The following TDRD9 variants were observed in gnomAD, a reference collection of about 807,000 sequenced individuals.
TDRD9 encodes the protein ATP-dependent RNA helicase TDRD9.
In TDRD9, 124 loss-of-function variants were observed where a neutral mutation model predicts 172.6. The ratio of observed to expected loss-of-function variants is 0.72; its 90% confidence interval spans 0.62 to 0.83. The LOEUF is 0.83. TDRD9 is among the 40% of genes least tolerant of loss of function. The probability of loss-of-function intolerance (pLI) is 0.00; values close to 1 mark genes in which losing one functional copy is unlikely to be tolerated. For synonymous variants in TDRD9, 619 were observed against 617.1 expected, an observed-to-expected ratio of 1.00 and a Z score of -0.05; for missense variants, 1,479 against 1,714.1, an observed-to-expected ratio of 0.86 and a Z score of 2.42.
intron 7 of TDRD9, among the ~76,000 whole-genome samples, chr14:103,982,660 C>T (rs955232922): frequency 6.6e-6 from 1 of 152,122 alleles, no homozygotes; most frequent in Admixed American, 6.5e-5. Flanking sequence ...AATCCCAGCA[C>T]TTTGGGAGGC....
intron 29 of TDRD9, 51 bp downstream of exon 29, chr14:104,031,314 A>C: frequency 6.7e-7 from 1 of 1,493,676 alleles, no homozygotes; most frequent in Non-Finnish European, 9.0e-7. Flanking sequence ...ATCATTTTAC[A>C]TTTATGTGCT....
At position 104,034,184 on chromosome 14, in the gene TDRD9, TTTTTTTTTC is replaced by T. The variant is rs749978190; in HGVS notation, c.3619+124_3619+132del. 2.6e-3 allele frequency: 750 copies of T among 292,376 alleles called. 5 individuals are homozygous for T. Among genetic ancestry groups the T allele is most frequent in the Non-Finnish European group, 3.9e-3 (648 of 167,334 alleles). The allele number at this position is 292,376 out of a possible 1,614,324, so 18.1% of individuals were successfully genotyped here. ...AACAAGTCTACACTATGTACTATTCTTTTTTTTTCTTTTTTTTTTTTTTTGAGACAGAGT... is the reference window on the plus strand; with the variant it reads ...AACAAGTCTACACTATGTACTATTCTTTTTTTTTTTTTTTTGAGACAGAGT... On this transcript the variant is annotated intron_variant, in intron 31 of 35. Coordinates refer to ENST00000409874, the MANE Select transcript of TDRD9 (RefSeq NM_153046.3).
chr14:103,933,200 A>C (rs1392473872), intron 1 of TDRD9, among the ~76,000 whole-genome samples: 1 of 152,200 alleles, frequency 6.6e-6, no homozygotes, highest in African/African-American at 2.4e-5. Flanking sequence ...ACCTTGGCAT[A>C]TGAAGAAGAA....
intron 13 of TDRD9, among the ~76,000 whole-genome samples, chr14:104,001,657 G>A (rs1029120617): frequency 2.6e-5 from 4 of 152,150 alleles, no homozygotes; most frequent in Non-Finnish European, 5.9e-5. Flanking sequence ...TCGCTGGGCT[G>A]GAGTGCAACG....
At chr14:103,978,827 G>A (rs916294208) in intron 7 of TDRD9, among the ~76,000 whole-genome samples, 6 of 151,968 alleles carry the variant, frequency 3.9e-5, no homozygotes, top group African/African-American at 1.5e-4. Context: ...TAATTCATGG[G>A]GTACATAGTG....
intron 35 of TDRD9, among the ~76,000 whole-genome samples, chr14:104,050,512 C>T (rs963751026): frequency 2.0e-5 from 3 of 152,170 alleles, no homozygotes; most frequent in Non-Finnish European, 4.4e-5. Context: ...ATTCCAGAGC[C>T]AGGGATATCT....
chr14:104,039,388 AG>A lies in TDRD9; in HGVS notation c.3717-807del, dbSNP rs2035544720. ...CTAGCTGCAGAAGCCACACAGCGTG[AG>A]TTTTACTGTAGTCACAGTCACAGCT... is the stretch of plus-strand genomic sequence containing the variant. On this transcript the variant is annotated intron_variant, in intron 32 of 35. Coordinates refer to ENST00000409874, the MANE Select transcript of TDRD9 (RefSeq NM_153046.3). Among the ~76,000 whole-genome samples the A allele has an allele frequency of 2.0e-5, 3 of 152,208 alleles. No individual in the cohort carries two copies. The South Asian group carries it at 6.2e-4, about 32-fold the overall frequency.
intron 1 of TDRD9, chr14:103,941,057 C>T: frequency 6.5e-7 from 1 of 1,535,350 alleles, no homozygotes; most frequent in Non-Finnish European, 8.7e-7. Context: ...AAGATGTAGA[C>T]TATTTCCCAT....
chr14:103,998,159 TCTACCCAC>T (rs931647380), intron 12 of TDRD9, among the ~76,000 whole-genome samples: 1 of 143,874 alleles, frequency 7.0e-6, no homozygotes, highest in African/African-American at 2.6e-5. Context: ...CATGCACACT[TCTACCCAC>T]CCACCCACCC....
chr14:103,972,081 G>A (rs372041521), intron 6 of TDRD9, among the ~76,000 whole-genome samples: 4 of 152,002 alleles, frequency 2.6e-5, no homozygotes, highest in East Asian at 1.9e-4. Flanking sequence ...TTGAGCCTGG[G>A]AGGTCCAGGC....
At position 104,031,182 on chromosome 14, in the gene TDRD9, C is replaced by T; in HGVS notation, c.3357C>T (p.Pro1119=). ...ENMTDGSVPF[P]MKDDEKYLIR... ...TGACAGATGGCTCTGTGCCCTTTCC[C>T]ATGAAAGACGACGAGAAATATCTCA... Residue 1119 remains proline, a synonymous_variant, in exon 29 of 36, where the codon CCC becomes CCT. Transcript: ENST00000409874. The T allele has an allele frequency of 1.3e-6, 2 of 1,551,728 alleles. No homozygotes were observed. Among genetic ancestry groups the T allele is most frequent in the South Asian group, 2.4e-5 (2 of 84,056 alleles).
chr14:103,933,921 C>CT (rs547601124), intron 1 of TDRD9, among the ~76,000 whole-genome samples: 2 of 152,252 alleles, frequency 1.3e-5, no homozygotes, highest in South Asian at 4.1e-4. Context: ...AGGCATGTTG[C>CT]TTTTTTCTTT....
At chr14:104,027,991 C>T (rs1171694684) in intron 28 of TDRD9, among the ~76,000 whole-genome samples, 1 of 152,158 alleles carries the variant, frequency 6.6e-6, no homozygotes, top group Non-Finnish European at 1.5e-5. Flanking sequence ...AACATACCAT[C>T]CTCCAGGCTC....
chr14:103,980,755 G>T lies in TDRD9; in HGVS notation c.1011+5202G>T, dbSNP rs2152178626. 6.6e-6 allele frequency among the ~76,000 whole-genome samples: 1 copy of T among 152,178 alleles called. No individual in the cohort carries two copies. Among genetic ancestry groups the T allele is most frequent in the South Asian group, 2.1e-4 (1 of 4,806 alleles). Reference sequence around the variant, plus strand: ...ACACTGACGCTACCACTAGACCACGGCTAGACCATGGTCCGCTTGGCAACG... The same window carrying T: ...ACACTGACGCTACCACTAGACCACGTCTAGACCATGGTCCGCTTGGCAACG... On this transcript the variant is annotated intron_variant, in intron 7 of 35. Transcript: ENST00000409874. This position sits in a 1 kb window ranked among gnomAD's most constrained non-coding sequence, Gnocchi z 4.5.
chr14:104,009,133 C>A (rs775062003), intron 20 of TDRD9, among the ~76,000 whole-genome samples: 19 of 152,164 alleles, frequency 1.2e-4, no homozygotes, highest in Middle Eastern at 3.2e-3. Flanking sequence ...CAAACCTGTA[C>A]AGCATGTGAC....
chr14:104,006,268 T>G lies in TDRD9; in HGVS notation c.1714-121T>G. On this transcript the variant is annotated intron_variant, in intron 15 of 35. Coordinates refer to ENST00000409874, the MANE Select transcript of TDRD9 (RefSeq NM_153046.3). ...GGTAACATATCAACCTTTCATAAAT[T>G]GACTTAGAATGTTATTCACCAAAAT... 5.3e-6 allele frequency: 4 copies of G among 754,618 alleles called. No individual in the cohort carries two copies. In the South Asian group the frequency reaches 8.2e-5, roughly 15 times the overall value. 46.7% of individuals were successfully genotyped at this position (754,618 alleles called of 1,614,324 possible).
Position 104,040,297 on chromosome 14 carries a change from C to G in TDRD9, c.3818C>G (p.Ala1273Gly), listed in dbSNP as rs529853416. 49 of 1,551,024 alleles carry G rather than the reference C, an allele frequency of 3.2e-5. No homozygotes were observed. The highest frequency in any genetic ancestry group is 4.3e-5 in the Non-Finnish European group (49 of 1,146,616). Reference protein sequence around the residue: ...SILPEHDMELAFDVQFSVEDV... With the variant: ...SILPEHDMELGFDVQFSVEDV... Reference sequence around the variant, plus strand: ...CTGCCCGAGCACGACATGGAGCTTGCGTTTGACGTTCAATTCAGCGTGGAG... The same window carrying G: ...CTGCCCGAGCACGACATGGAGCTTGGGTTTGACGTTCAATTCAGCGTGGAG... The change falls in exon 33 of 36, where the codon GCG (alanine) becomes GGG (glycine). Residue 1273 changes from alanine (A) to glycine (G), a missense_variant. Ala to Gly is a moderately conservative substitution (Grantham distance 60). This residue lies in a region of TDRD9 where 1,413 missense variants were observed against 1,649.1 expected (regional missense o/e 0.86). Coordinates refer to ENST00000409874, the MANE Select transcript of TDRD9 (RefSeq NM_153046.3).
chr14:103,970,279 G>A (rs1218254052), intron 5 of TDRD9, among the ~76,000 whole-genome samples: 3 of 152,178 alleles, frequency 2.0e-5, no homozygotes, highest in South Asian at 2.1e-4. Context: ...GAGCAGGGGC[G>A]AGGGTGCAGA....
At chr14:104,051,127 C>A (rs28644198) in intron 35 of TDRD9, among the ~76,000 whole-genome samples, 50,218 of 151,954 alleles carry the variant, frequency 0.33, 8,472 homozygotes, top group Middle Eastern at 0.37. Flanking sequence ...CCTCCCCCAT[C>A]TAGTGGTCCC....
Sources: allele counts gnomAD v4.1 joint callset (sites outside exome capture counted in the v4.1 genomes callset), GRCh38; gene constraint gnomAD v4.1.1; regional missense constraint gnomAD v4.1.1; non-coding constraint Gnocchi (gnomAD v3.1); transcripts MANE v1.5; gene names NCBI Gene and HGNC (gene_info 2026-07-23, HGNC 2026-07-21).